The following PPP1R12B variants were observed in gnomAD, a reference collection of about 807,000 sequenced individuals.
PPP1R12B encodes the protein protein phosphatase 1 regulatory subunit 12B.
Under a neutral mutation model 126.1 loss-of-function variants are expected in PPP1R12B, and 76 were observed. The observed-to-expected ratio is 0.60, with a 90% confidence interval of 0.50 to 0.73. The LOEUF (loss-of-function observed/expected upper bound fraction) is 0.73. Ranked by LOEUF, PPP1R12B falls within the 30% of genes least tolerant of loss-of-function variation. The pLI is 0.00. For synonymous variants in PPP1R12B, 356 were observed against 434.7 expected (o/e 0.82, Z 2.25); for missense variants, 1,052 against 1,205.1 (o/e 0.87, Z 1.88).
chr1:202,545,857 A>G (rs1278861944), intron 18 of PPP1R12B, among the ~76,000 whole-genome samples: 1 of 152,230 alleles, frequency 6.6e-6, no homozygotes, highest in Non-Finnish European at 1.5e-5. Flanking sequence ...AGAGCTGCAT[A>G]TCGGTGTGGC....
chr1:202,525,612 CTT>C (rs71142537), intron 18 of PPP1R12B, among the ~76,000 whole-genome samples: 6 of 120,270 alleles, frequency 5.0e-5, no homozygotes, highest in Admixed American at 8.1e-5. Context: ...TTTTTTTTTT[CTT>C]TTTTTTTTTT....
intron 1 of PPP1R12B, among the ~76,000 whole-genome samples, chr1:202,386,384 T>C (rs193144513): frequency 2.0e-5 from 3 of 152,226 alleles, no homozygotes; most frequent in African/African-American, 7.2e-5. Flanking sequence ...CAGGCTAGAG[T>C]GCAGTGGCGC....
At chr1:202,551,135 A>G (rs1281706061) in intron 18 of PPP1R12B, among the ~76,000 whole-genome samples, 1 of 152,202 alleles carries the variant, frequency 6.6e-6, no homozygotes, top group Non-Finnish European at 1.5e-5. Context: ...ACATGATATC[A>G]TTTTTACATG....
At position 202,441,641 on chromosome 1, in the gene PPP1R12B, G is replaced by A. The variant is rs1361559653; in HGVS notation, c.1542-806G>A. On this transcript the variant is annotated intron_variant, in intron 11 of 23. Coordinates refer to ENST00000608999, the MANE Select transcript of PPP1R12B (RefSeq NM_002481.4). Reference sequence around the variant, plus strand: ...CCATAGGTTTTGCAACAAAGACCCTGAGTTATCAATTGTGGATCAAAAATC... The same window carrying A: ...CCATAGGTTTTGCAACAAAGACCCTAAGTTATCAATTGTGGATCAAAAATC... 2.0e-5 allele frequency among the ~76,000 whole-genome samples: 3 copies of A among 152,160 alleles called. No homozygotes were observed. The East Asian group carries it at 5.8e-4, about 29-fold the overall frequency.
At chr1:202,498,613 T>C (rs1380271229) in intron 18 of PPP1R12B, among the ~76,000 whole-genome samples, 1 of 152,236 alleles carries the variant, frequency 6.6e-6, no homozygotes, top group African/African-American at 2.4e-5. Context: ...GATGCCATTA[T>C]CTATATGGGC....
intron 1 of PPP1R12B, among the ~76,000 whole-genome samples, chr1:202,357,019 G>C (rs919087145): frequency 3.3e-5 from 5 of 151,868 alleles, no homozygotes; most frequent in Non-Finnish European, 5.9e-5. Flanking sequence ...ACGTGGTTTT[G>C]CCTTGTTGGC....
At chr1:202,349,594 GGT>G (rs1428839425) in intron 1 of PPP1R12B, among the ~76,000 whole-genome samples, 4 of 152,086 alleles carry the variant, frequency 2.6e-5, no homozygotes, top group African/African-American at 9.7e-5. Context: ...CCCTTTACTG[GGT>G]AAAGACAAGC....
intron 1 of PPP1R12B, among the ~76,000 whole-genome samples, chr1:202,357,129 C>A (rs1657258332): frequency 6.6e-6 from 1 of 152,154 alleles, no homozygotes; most frequent in Non-Finnish European, 1.5e-5. Flanking sequence ...TGAGCCACTG[C>A]ATCTGGCCAT....
chr1:202,553,164 A>T (rs2148990086), intron 18 of PPP1R12B, among the ~76,000 whole-genome samples: 1 of 152,336 alleles, frequency 6.6e-6, no homozygotes, highest in South Asian at 2.1e-4. Flanking sequence ...GGACATTTTT[A>T]AAACTATGGT....
chr1:202,571,444 T>TA (rs1688589762), intron 23 of PPP1R12B, among the ~76,000 whole-genome samples: 2 of 116,130 alleles, frequency 1.7e-5, no homozygotes, highest in African/African-American at 2.6e-5. Flanking sequence ...GGCTGTTTTT[T>TA]GTTTTTTTTT....
At chr1:202,549,221 C>T (rs1478681765) in intron 18 of PPP1R12B, among the ~76,000 whole-genome samples, 2 of 152,138 alleles carry the variant, frequency 1.3e-5, no homozygotes, top group African/African-American at 4.8e-5. Context: ...AGATCACTTA[C>T]AAGTCACACA....
intron 13 of PPP1R12B, among the ~76,000 whole-genome samples, chr1:202,469,750 AT>A (rs1675580967): frequency 1.3e-5 from 2 of 152,274 alleles, no homozygotes; most frequent in African/African-American, 4.8e-5. Context: ...AAGTAGGGTA[AT>A]TGGAAATTGA....
intron 1 of PPP1R12B, among the ~76,000 whole-genome samples, chr1:202,359,832 C>A (rs926627011): frequency 1.3e-5 from 2 of 152,052 alleles, no homozygotes; most frequent in Admixed American, 6.6e-5. Flanking sequence ...AAACAAATTT[C>A]ATTGGCACAC....
chr1:202,430,796 TG>T lies in PPP1R12B; in HGVS notation c.990del (p.Phe331SerfsTer112). 1.2e-6 allele frequency: 2 copies of T among 1,612,102 alleles called. No individual in the cohort carries two copies. Among genetic ancestry groups the T allele is most frequent in the Non-Finnish European group, 8.5e-7 (1 of 1,178,766 alleles). ...ESDLNSKIQSGFFKNKEKMLY... is the reference protein window; with the variant it reads ...ESDLNSKIQSXFFKNKEKMLY... ...CAGATCTGAACAGCAAGATTCAGAG[TG>T]GGTTCTTTAAGAAGTAAGACATTTA... On this transcript the variant is annotated frameshift_variant, in exon 7 of 24. Transcript: ENST00000608999. LOFTEE classifies it high-confidence loss of function.
At chr1:202,456,782 T>C (rs1213693068) in intron 13 of PPP1R12B, among the ~76,000 whole-genome samples, 1 of 152,226 alleles carries the variant, frequency 6.6e-6, no homozygotes, top group East Asian at 1.9e-4. Flanking sequence ...AAACTGTGTC[T>C]GTACTCTTGA....
In PPP1R12B at chr1:202,589,098, T is replaced by TTTAA. The variant is rs1449567262; in HGVS notation, c.*8541_*8544dup. 5.3e-5 allele frequency: 8 copies of TTTAA among 152,198 alleles called. No individual in the cohort carries two copies. Among genetic ancestry groups the TTTAA allele is most frequent in the African/African-American group, 1.9e-4 (8 of 41,438 alleles). The allele number at this position is 152,198 out of a possible 1,614,324, so 9.4% of individuals were successfully genotyped here. ...TCCATAAGTCTTCATGAGGTCATTGTTTAATTCAGGAGATCCAAAACTATC... is the reference window on the plus strand; with the variant it reads ...TCCATAAGTCTTCATGAGGTCATTGTTTAATTAATTCAGGAGATCCAAAACTATC... On this transcript the variant is annotated 3_prime_UTR_variant, in exon 24 of 24. Coordinates refer to ENST00000608999, the MANE Select transcript of PPP1R12B (RefSeq NM_002481.4).
chr1:202,564,657 T>G, intron 21 of PPP1R12B, 110 bp downstream of exon 21: 1 of 783,612 alleles, frequency 1.3e-6, no homozygotes, highest in Non-Finnish European at 2.0e-6. Flanking sequence ...GATCAGGCCT[T>G]CTCGGGGCAA....
Position 202,488,604 on chromosome 1 carries a change from AG to A in PPP1R12B, c.1923del (p.Thr642HisfsTer10). Reference protein sequence around the residue: ...LRKARSRQARQTRRSTQGVTL... With the variant: ...LRKARSRQARXTRRSTQGVTL... Reference sequence around the variant, plus strand: ...AAAGCACGCTCCAGACAAGCTCGGCAGACACGAAGGTCTACTCAAGTGAGTG... The same window carrying A: ...AAAGCACGCTCCAGACAAGCTCGGCAACACGAAGGTCTACTCAAGTGAGTG... On this transcript the variant is annotated frameshift_variant, in exon 14 of 24. Transcript: ENST00000608999. LOFTEE classifies it high-confidence loss of function. The A allele has an allele frequency of 6.2e-7, 1 of 1,611,376 alleles. No individual in the cohort carries two copies. Among genetic ancestry groups the A allele is most frequent in the South Asian group, 1.1e-5 (1 of 90,554 alleles).
chr1:202,446,256 A>ATATATATATATT lies in PPP1R12B; in HGVS notation c.1668-2732_1668-2731insATATATATATTT, dbSNP rs376183502. Among the ~76,000 whole-genome samples, 9 of 54,338 alleles carry ATATATATATATT rather than the reference A, an allele frequency of 1.7e-4. No homozygotes were observed. In the East Asian group the frequency reaches 2.4e-3, roughly 14 times the overall value. 35.6% of individuals were successfully genotyped at this position (54,338 alleles called of 152,430 possible). ...TCTCTCTATATATATATATATATAT[A>ATATATATATATT]TTTTTTTTTTTTTTTGAGATGGAAT... is the stretch of plus-strand genomic sequence containing the variant. On this transcript the variant is annotated intron_variant, in intron 12 of 23. Coordinates refer to ENST00000608999, the MANE Select transcript of PPP1R12B (RefSeq NM_002481.4).
Sources: allele counts gnomAD v4.1 joint callset (sites outside exome capture counted in the v4.1 genomes callset), GRCh38; gene constraint gnomAD v4.1.1; transcripts MANE v1.5; gene names NCBI Gene and HGNC (gene_info 2026-07-23, HGNC 2026-07-21).